ATRNL1: variants seen among roughly 807,000 people sequenced by gnomAD.
ATRNL1 encodes the protein attractin like 1, also known as attractin-like protein 1.
ATRNL1 carries 95 observed loss-of-function variants against 182.7 expected under a neutral mutation model. The observed-to-expected ratio is 0.52, with a 90% CI of 0.44 to 0.62. The LOEUF is 0.62. ATRNL1 is among the 20% of genes least tolerant of loss of function. The pLI is 0.00. For missense variants in ATRNL1, 1,471 were observed against 1,679.5 expected (o/e 0.88, Z 2.17); for synonymous variants, 576 against 568.3 (o/e 1.01, Z -0.19).
At chr10:115,418,240 A>C (rs1294116806) in intron 20 of ATRNL1, among the ~76,000 whole-genome samples, 2 of 152,222 alleles carry the variant, frequency 1.3e-5, no homozygotes, top group Admixed American at 1.3e-4. Context: ...TTGAAATATT[A>C]ATAATAAAAA....
intron 27 of ATRNL1, among the ~76,000 whole-genome samples, chr10:115,760,013 T>C (rs1948695811): frequency 6.6e-6 from 1 of 151,750 alleles, no homozygotes; most frequent in South Asian, 2.1e-4. Flanking sequence ...AACTTTCTAA[T>C]TGTGAACACT....
intron 27 of ATRNL1, among the ~76,000 whole-genome samples, chr10:115,836,351 T>C (rs1051876368): frequency 1.1e-4 from 17 of 152,330 alleles, no homozygotes; most frequent in African/African-American, 4.1e-4. Flanking sequence ...TCAATACTCC[T>C]TGGCCATTCT....
chr10:115,636,315 C>T (rs1487659879), intron 26 of ATRNL1, among the ~76,000 whole-genome samples: 1 of 152,252 alleles, frequency 6.6e-6, no homozygotes, highest in East Asian at 1.9e-4. Flanking sequence ...GATCCCACCA[C>T]ATCCCTATCT....
At chr10:115,860,375 A>C (rs1485567518) in intron 28 of ATRNL1, among the ~76,000 whole-genome samples, 4 of 152,136 alleles carry the variant, frequency 2.6e-5, no homozygotes, top group African/African-American at 7.2e-5. Flanking sequence ...TCACCATCAC[A>C]ATGAAAAATG....
intron 8 of ATRNL1, among the ~76,000 whole-genome samples, chr10:115,172,994 C>T (rs185584445): frequency 6.6e-6 from 1 of 151,894 alleles, no homozygotes; most frequent in East Asian, 1.9e-4. Flanking sequence ...CTTTTCCTCT[C>T]TCCTCAAGTT....
At chr10:115,146,729 G>A (rs372276902) in intron 5 of ATRNL1, among the ~76,000 whole-genome samples, 3 of 151,362 alleles carry the variant, frequency 2.0e-5, no homozygotes, top group East Asian at 1.9e-4. Context: ...TTGTCTTTTT[G>A]TGGCTAGCTT....
intron 9 of ATRNL1, among the ~76,000 whole-genome samples, chr10:115,221,255 T>A (rs189381339): frequency 6.6e-6 from 1 of 152,292 alleles, no homozygotes; most frequent in African/African-American, 2.4e-5. Flanking sequence ...CCTAACAGGG[T>A]GTTGAGAACC....
intron 26 of ATRNL1, among the ~76,000 whole-genome samples, chr10:115,677,859 C>G (rs945237034): frequency 1.3e-5 from 2 of 152,084 alleles, no homozygotes; most frequent in Admixed American, 6.6e-5. Context: ...CAAAGGGTAT[C>G]AGTGGCTTGG....
intron 19 of ATRNL1, among the ~76,000 whole-genome samples, chr10:115,390,776 A>G (rs1422395569): frequency 6.6e-6 from 1 of 152,174 alleles, no homozygotes; most frequent in Non-Finnish European, 1.5e-5. Context: ...TAATTATCCC[A>G]ATCCATGAAC....
intron 27 of ATRNL1, among the ~76,000 whole-genome samples, chr10:115,781,373 A>G (rs1308535494): frequency 2.6e-5 from 4 of 152,222 alleles, no homozygotes; most frequent in African/African-American, 9.6e-5. Context: ...AAATGAGTAC[A>G]AGTGCTTACC....
At chr10:115,476,259 G>A (rs182644959) in intron 24 of ATRNL1, among the ~76,000 whole-genome samples, 17 of 151,082 alleles carry the variant, frequency 1.1e-4, no homozygotes, top group African/African-American at 2.4e-4. Context: ...TTTAGTTTTC[G>A]CTATGGTCAG....
At chr10:115,625,236 A>G (rs1202600731) in intron 26 of ATRNL1, among the ~76,000 whole-genome samples, 4 of 152,196 alleles carry the variant, frequency 2.6e-5, no homozygotes, top group Non-Finnish European at 2.9e-5. Flanking sequence ...GTCTTTTGGT[A>G]GCTGCAAACA....
chr10:115,440,638 A>AGCTAATG (rs199978619), intron 21 of ATRNL1, among the ~76,000 whole-genome samples: 1,896 of 151,904 alleles, frequency 0.012, 16 homozygotes, highest in Middle Eastern at 0.037. Context: ...CATTATAGTT[A>AGCTAATG]TCAGTCCTTA....
intron 19 of ATRNL1, among the ~76,000 whole-genome samples, chr10:115,343,936 C>A (rs576005551): frequency 6.6e-6 from 1 of 152,188 alleles, no homozygotes; most frequent in Non-Finnish European, 1.5e-5. Context: ...TCTGGATTAC[C>A]AGGCAGAGAC....
intron 27 of ATRNL1, among the ~76,000 whole-genome samples, chr10:115,775,852 G>C (rs534676611): frequency 5.9e-5 from 9 of 151,820 alleles, no homozygotes; most frequent in African/African-American, 2.2e-4. Context: ...CAGCTACTCA[G>C]GAGGCTGAGG....
intron 26 of ATRNL1, among the ~76,000 whole-genome samples, chr10:115,579,876 T>A (rs540839815): frequency 6.6e-6 from 1 of 152,026 alleles, no homozygotes; most frequent in Non-Finnish European, 1.5e-5. Context: ...TTCTTTTGTG[T>A]AACTTGTATA....
At chr10:115,323,714 G>T (rs909366159) in intron 18 of ATRNL1, among the ~76,000 whole-genome samples, 15 of 151,808 alleles carry the variant, frequency 9.9e-5, no homozygotes, top group Non-Finnish European at 2.9e-5. Context: ...AAAGTGCTGG[G>T]ATTACAGGCA....
In ATRNL1 at chr10:115,595,619, A is replaced by G. The variant is rs371310618; in HGVS notation, c.3795+46083A>G. Among the ~76,000 whole-genome samples, 39 of 152,208 alleles carry G rather than the reference A, an allele frequency of 2.6e-4. 1 individual carries two copies. The South Asian group carries it at 7.9e-3, about 31-fold the overall frequency. ...CCACTTACTTGGAGTGGCTGGATCT[A>G]TTTATTATCTTTTCCTTTTAAGATC... On this transcript the variant is annotated intron_variant, in intron 26 of 28. Coordinates refer to ENST00000355044, the MANE Select transcript of ATRNL1 (RefSeq NM_207303.4).
chr10:115,522,445 A>G (rs1180538215), intron 25 of ATRNL1, among the ~76,000 whole-genome samples: 6 of 152,150 alleles, frequency 3.9e-5, no homozygotes, highest in African/African-American at 1.4e-4. Flanking sequence ...CCATAAGGAC[A>G]CCACCAAGTC....
Sources: gnomAD v4.1 joint callset for allele counts (sites outside exome capture counted in the v4.1 genomes callset) on GRCh38, gnomAD v4.1.1 for gene constraint, MANE v1.5 for transcripts, NCBI Gene and HGNC (gene_info 2026-07-23, HGNC 2026-07-21) for gene names.